Variants in IRAK1BP1 observed in about 807,000 individuals in gnomAD.
IRAK1BP1 encodes the protein interleukin-1 receptor-associated kinase 1-binding protein 1.
Under a neutral mutation model 28.0 loss-of-function variants are expected in IRAK1BP1, and 24 were observed. The observed-to-expected ratio is 0.86, with a 90% CI of 0.62 to 1.20. The LOEUF is 1.20. Among genes scored for constraint, IRAK1BP1 ranks in the 50% most tolerant of loss-of-function variants. IRAK1BP1 has a pLI of 0.00. For missense variants in IRAK1BP1, 336 were observed against 316.7 expected, an observed-to-expected ratio of 1.06 and a Z score of -0.46; for synonymous variants, 131 against 116.3, an observed-to-expected ratio of 1.13 and a Z score of -0.81.
intron 2 of IRAK1BP1, among the ~76,000 whole-genome samples, chr6:78,890,161 A>G (rs1384579100): frequency 6.6e-6 from 1 of 152,024 alleles, no homozygotes; most frequent in Non-Finnish European, 1.5e-5. Flanking sequence ...TCAGCACACT[A>G]ACACAGGAAC....
intron 4 of IRAK1BP1, among the ~76,000 whole-genome samples, chr6:78,908,851 A>C (rs1290655231): frequency 6.6e-6 from 1 of 152,182 alleles, no homozygotes; most frequent in Non-Finnish European, 1.5e-5. Flanking sequence ...GTTCTTTCCC[A>C]ACAACAGGTT....
chr6:78,966,142 A>C, the IRAK1BP1 span: 5 of 804,372 alleles, frequency 6.2e-6, no homozygotes, highest in South Asian at 7.3e-5. Context: ...TTAAGTACCT[A>C]AACTGCCTGT....
At chr6:78,945,470 T>G in exon 5 of IRAK1BP1, 2 of 1,609,548 alleles carry the variant, frequency 1.2e-6, no homozygotes, top group Non-Finnish European at 1.7e-6. Flanking sequence ...ATTCAAAGCT[T>G]TGGAATGTTT....
downstream of IRAK1BP1, among the ~76,000 whole-genome samples, chr6:78,906,960 A>C (rs1208364623): frequency 6.6e-6 from 1 of 152,236 alleles, no homozygotes; most frequent in Non-Finnish European, 1.5e-5. Context: ...GATGAAAGAA[A>C]TAAAGTAAGA....
intron 2 of IRAK1BP1, among the ~76,000 whole-genome samples, chr6:78,893,310 GTGTGTATATATA>G (rs1404220957): frequency 1.1e-4 from 8 of 71,122 alleles, no homozygotes; most frequent in African/African-American, 3.9e-4. Context: ...GTGTGTGTGT[GTGTGTATATATA>G]TATATATATA....
At chr6:78,952,746 A>C in the IRAK1BP1 span, among the ~76,000 whole-genome samples, 3 of 152,156 alleles carry the variant, frequency 2.0e-5, no homozygotes, top group African/African-American at 7.2e-5. Context: ...AGTTGATTTT[A>C]ATATGTCTTC....
chr6:78,973,729 T>C, the IRAK1BP1 span, among the ~76,000 whole-genome samples: 1 of 151,850 alleles, frequency 6.6e-6, no homozygotes. Flanking sequence ...GTTGCAATCC[T>C]AGTCTGATAA....
chr6:78,896,934 G>A (rs937352963), intron 2 of IRAK1BP1, among the ~76,000 whole-genome samples: 14 of 151,896 alleles, frequency 9.2e-5, no homozygotes, highest in African/African-American at 3.1e-4. Context: ...TCTGTATTTT[G>A]TTTTGCATAT....
At chr6:78,961,576 A>G in the IRAK1BP1 span, 1 of 953,392 alleles carries the variant, frequency 1.0e-6, no homozygotes, top group African/African-American at 1.7e-5. Context: ...TAATCCCCAT[A>G]ATCTTATGTG....
intron 4 of IRAK1BP1, among the ~76,000 whole-genome samples, chr6:78,929,582 T>A (rs980955973): frequency 7.9e-5 from 12 of 152,128 alleles, no homozygotes; most frequent in African/African-American, 2.9e-4. Flanking sequence ...AAACTATGGG[T>A]ACTATGCTTG....
chr6:78,943,679 T>A (rs1342070477), intron 4 of IRAK1BP1, among the ~76,000 whole-genome samples: 1 of 152,104 alleles, frequency 6.6e-6, no homozygotes, highest in Non-Finnish European at 1.5e-5. Flanking sequence ...AACAGGGTTT[T>A]CTGGGACATA....
chr6:78,867,758 T>C lies in IRAK1BP1; in HGVS notation c.182T>C (p.Val61Ala). The change falls in exon 1 of 4, where the codon GTG (valine) becomes GCG (alanine). Residue 61 changes from valine (V) to alanine (A), a missense_variant. Val to Ala is a moderately conservative substitution (Grantham distance 64, BLOSUM62 0). Coordinates refer to ENST00000369940, the MANE Select transcript of IRAK1BP1 (RefSeq NM_001010844.4). ...GTGCAAGTAAGCGGCACCTCAGAAG[T>C]GTCTGCGGGCCCTGACCGGGCGCAG... Reference protein sequence around the residue: ...REVQVSGTSEVSAGPDRAQVV... With the variant: ...REVQVSGTSEASAGPDRAQVV... 1 of 1,614,066 alleles carries C rather than the reference T, an allele frequency of 6.2e-7. No individual in the cohort carries two copies. Among genetic ancestry groups the C allele is most frequent in the African/African-American group, 1.3e-5 (1 of 75,018 alleles).
At chr6:78,952,086 G>A in the IRAK1BP1 span, among the ~76,000 whole-genome samples, 18 of 151,744 alleles carry the variant, frequency 1.2e-4, no homozygotes, top group African/African-American at 2.7e-4. Flanking sequence ...TGTATATCCC[G>A]ATCAGGAATC....
the IRAK1BP1 span, among the ~76,000 whole-genome samples, chr6:78,973,195 A>G: frequency 6.6e-6 from 1 of 152,184 alleles, no homozygotes; most frequent in African/African-American, 2.4e-5. Flanking sequence ...GAAACTCTAC[A>G]AGCCAGAAGA....
At chr6:78,958,844 G>A in the IRAK1BP1 span, among the ~76,000 whole-genome samples, 1 of 152,062 alleles carries the variant, frequency 6.6e-6, no homozygotes, top group Non-Finnish European at 1.5e-5. Context: ...ATTAACAAAG[G>A]CCTCTTTTTG....
intron 1 of IRAK1BP1, chr6:78,871,436 T>C: frequency 3.0e-6 from 3 of 985,496 alleles, no homozygotes; most frequent in Non-Finnish European, 3.6e-6. Flanking sequence ...CCTTTTCTCC[T>C]TTTTGCTTCA....
downstream of IRAK1BP1, among the ~76,000 whole-genome samples, chr6:78,906,327 G>A (rs752863118): frequency 1.3e-5 from 2 of 151,720 alleles, no homozygotes; most frequent in African/African-American, 4.8e-5. Context: ...CTTTTTCATT[G>A]TCCTCATCTT....
intron 4 of IRAK1BP1, chr6:78,935,860 T>G: frequency 2.2e-5 from 10 of 456,294 alleles, no homozygotes; most frequent in South Asian, 9.3e-5. Context: ...CATGAGGCTC[T>G]ACAAAATAGC....
chr6:78,922,485 T>C lies in IRAK1BP1; in HGVS notation c.*67+19375T>C, dbSNP rs186327765. Among the ~76,000 whole-genome samples the C allele has an allele frequency of 6.4e-4, 97 of 152,318 alleles. 1 individual carries two copies. The South Asian group carries it at 8.1e-3, about 13-fold the overall frequency. On this transcript the variant is annotated intron_variant and NMD_transcript_variant, in intron 4 of 4. Coordinates refer to the IRAK1BP1 transcript ENST00000606868. ...AAGTCACGGGGAGAATGGAACCAAG[T>C]TGGAAAACACTTTGCAGGATATTAT... is the stretch of plus-strand genomic sequence containing the variant.
Sources: gnomAD v4.1 joint callset for allele counts (sites outside exome capture counted in the v4.1 genomes callset) on GRCh38, gnomAD v4.1.1 for gene constraint, MANE v1.5 for transcripts, NCBI Gene and HGNC (gene_info 2026-07-23, HGNC 2026-07-21) for gene names.